The following WASF3 variants were observed in gnomAD, a reference collection of about 807,000 sequenced individuals.
The protein encoded by WASF3 is WASP family member 3, also known as actin-binding protein WASF3.
In WASF3, 11 loss-of-function variants were observed where a neutral mutation model predicts 46.6. The ratio of observed to expected loss-of-function variants is 0.24; its 90% CI spans 0.15 to 0.39. The LOEUF (loss-of-function observed/expected upper bound fraction) is 0.39, where lower values mean the gene tolerates loss of function less well. Ranked by LOEUF, WASF3 falls within the 10% of genes least tolerant of loss-of-function variation. The probability of loss-of-function intolerance (pLI) is 1.00; values close to 1 mark genes in which losing one functional copy is unlikely to be tolerated. For missense variants in WASF3, 576 were observed against 669.8 expected, an observed-to-expected ratio of 0.86 and a Z score of 1.55; for synonymous variants, 242 against 259.7, an observed-to-expected ratio of 0.93 and a Z score of 0.65.
intron 1 of WASF3, among the ~76,000 whole-genome samples, chr13:26,576,086 C>G (rs749290171): frequency 6.6e-6 from 1 of 151,984 alleles, no homozygotes; most frequent in Non-Finnish European, 1.5e-5. Flanking sequence ...ATATGTATTT[C>G]TAATTATATA....
intron 3 of WASF3, among the ~76,000 whole-genome samples, chr13:26,663,996 T>C (rs1882703082): frequency 6.6e-6 from 1 of 152,216 alleles, no homozygotes; most frequent in Non-Finnish European, 1.5e-5. Flanking sequence ...GGCTCACTTA[T>C]TCATTGAACA....
At chr13:26,559,351 G>A (rs2137133474) in intron 1 of WASF3, among the ~76,000 whole-genome samples, 1 of 152,308 alleles carries the variant, frequency 6.6e-6, no homozygotes, top group Non-Finnish European at 1.5e-5. Context: ...AATTGTTCTT[G>A]CATTTCCAGT....
intron 1 of WASF3, among the ~76,000 whole-genome samples, chr13:26,590,861 T>C (rs1218014658): frequency 1.3e-5 from 2 of 152,164 alleles, no homozygotes; most frequent in Admixed American, 1.3e-4. Flanking sequence ...AGGAGACAAA[T>C]TAATAAATTA....
chr13:26,630,421 G>T (rs1881614835), intron 2 of WASF3, among the ~76,000 whole-genome samples: 1 of 151,936 alleles, frequency 6.6e-6, no homozygotes, highest in Admixed American at 6.6e-5. Context: ...TTGGTTTTCT[G>T]TCCTTGTGAT....
intron 3 of WASF3, among the ~76,000 whole-genome samples, chr13:26,664,297 G>T (rs1284374331): frequency 6.6e-6 from 1 of 152,246 alleles, no homozygotes; most frequent in African/African-American, 2.4e-5. Flanking sequence ...TGCACACTCA[G>T]AGTAGGCAGC....
At chr13:26,614,488 C>T (rs1292312627) in intron 2 of WASF3, among the ~76,000 whole-genome samples, 2 of 152,084 alleles carry the variant, frequency 1.3e-5, no homozygotes, top group African/African-American at 2.4e-5. Context: ...AAAATATATG[C>T]GATGCACCTA....
At chr13:26,660,478 TCTG>T (rs1403604400) in intron 3 of WASF3, among the ~76,000 whole-genome samples, 1 of 151,910 alleles carries the variant, frequency 6.6e-6, no homozygotes. Flanking sequence ...GGAGAAATGG[TCTG>T]CTGAGTTGGG....
At chr13:26,617,970 C>T (rs1037002005) in intron 2 of WASF3, among the ~76,000 whole-genome samples, 4 of 152,182 alleles carry the variant, frequency 2.6e-5, no homozygotes, top group Non-Finnish European at 4.4e-5. Context: ...CTTTGCCCTC[C>T]GCCATGTTGG....
intron 1 of WASF3, among the ~76,000 whole-genome samples, chr13:26,578,786 T>C (rs541779743): frequency 4.6e-5 from 7 of 152,076 alleles, no homozygotes; most frequent in Non-Finnish European, 1.0e-4. Context: ...AGCTTCCTCA[T>C]TGTGTCTCCA....
chr13:26,578,993 C>CTTTTTTTTTTTTTTTTTTT lies in WASF3; in HGVS notation c.-109+21179_-109+21197dup, dbSNP rs200299739. ...ACCTTATATTCTTGGGATACATTTC[C>CTTTTTTTTTTTTTTTTTTT]TTTTTTTTTTTTTTTTTTTTTTTGT... On this transcript the variant is annotated intron_variant, in intron 1 of 9. Transcript: ENST00000335327. Among the ~76,000 whole-genome samples, 166 of 60,626 alleles carry CTTTTTTTTTTTTTTTTTTT rather than the reference C, an allele frequency of 2.7e-3. 30 individuals carry two copies. Among genetic ancestry groups the CTTTTTTTTTTTTTTTTTTT allele is most frequent in the Middle Eastern group, 0.016 (1 of 64 alleles). 39.8% of individuals were successfully genotyped at this position (60,626 alleles called of 152,430 possible).
At chr13:26,600,298 T>C (rs966423408) in intron 1 of WASF3, among the ~76,000 whole-genome samples, 2 of 152,222 alleles carry the variant, frequency 1.3e-5, no homozygotes, top group African/African-American at 4.8e-5. Context: ...TTTTCTAGGT[T>C]TGACTCTCAA....
chr13:26,599,233 G>A (rs1880573903), intron 1 of WASF3, among the ~76,000 whole-genome samples: 1 of 147,144 alleles, frequency 6.8e-6, no homozygotes, highest in African/African-American at 2.5e-5. Flanking sequence ...ACCCAGGCTG[G>A]AGTGCAGTGG....
At chr13:26,568,927 G>A (rs1314143292) in intron 1 of WASF3, among the ~76,000 whole-genome samples, 1 of 152,152 alleles carries the variant, frequency 6.6e-6, no homozygotes, top group Non-Finnish European at 1.5e-5. Flanking sequence ...TCTGCTGTCT[G>A]GAGTTATTGG....
chr13:26,629,188 C>A (rs945610048), intron 2 of WASF3, among the ~76,000 whole-genome samples: 2 of 152,132 alleles, frequency 1.3e-5, no homozygotes, highest in Admixed American at 6.5e-5. Context: ...TGCAGGCTGG[C>A]GGATTTTGCC....
At chr13:26,626,854 T>C (rs1881479509) in intron 2 of WASF3, among the ~76,000 whole-genome samples, 1 of 152,168 alleles carries the variant, frequency 6.6e-6, no homozygotes, top group Non-Finnish European at 1.5e-5. Flanking sequence ...AACAGATCTT[T>C]AAAATACAGA....
At chr13:26,596,892 CTT>C (rs1880483418) in intron 1 of WASF3, among the ~76,000 whole-genome samples, 1 of 152,280 alleles carries the variant, frequency 6.6e-6, no homozygotes, top group South Asian at 2.1e-4. Context: ...CGAATGAGTT[CTT>C]TCTTTCTGAA....
chr13:26,571,659 G>A (rs1879641525), intron 1 of WASF3, among the ~76,000 whole-genome samples: 1 of 152,120 alleles, frequency 6.6e-6, no homozygotes, highest in African/African-American at 2.4e-5. Flanking sequence ...TTTGGAAAGG[G>A]CATTTCTCCC....
At chr13:26,618,461 G>GCT (rs143550786) in intron 2 of WASF3, among the ~76,000 whole-genome samples, 40 of 150,354 alleles carry the variant, frequency 2.7e-4, no homozygotes, top group South Asian at 8.5e-4. Context: ...ACACTCTCTC[G>GCT]CTCTCTCTCT....
intron 1 of WASF3, chr13:26,577,747 A>G (rs1879845238): frequency 1.5e-6 from 1 of 684,336 alleles, no homozygotes; most frequent in African/African-American, 1.8e-5. Flanking sequence ...AAACCAGGAA[A>G]TTGACATTGG....
Sources: allele counts gnomAD v4.1 joint callset (sites outside exome capture counted in the v4.1 genomes callset), GRCh38; gene constraint gnomAD v4.1.1; transcripts MANE v1.5; gene names NCBI Gene and HGNC (gene_info 2026-07-23, HGNC 2026-07-21).